Variants in CACNA1H observed in about 807,000 individuals in gnomAD.
CACNA1H encodes calcium voltage-gated channel subunit alpha1 H, also known as voltage-dependent T-type calcium channel subunit alpha-1H.
In CACNA1H, 149 loss-of-function variants were observed where a neutral mutation model predicts 192.5. The ratio of observed to expected loss-of-function variants is 0.77; its 90% CI spans 0.68 to 0.89. The LOEUF is 0.89. Among genes scored for constraint, CACNA1H ranks in the 40% least tolerant of loss-of-function variants. The pLI is 0.00. For missense variants in CACNA1H, 4,257 were observed against 3,423.5 expected, an observed-to-expected ratio of 1.24 and a Z score of -6.08; for synonymous variants, 2,202 against 1,475.2, an observed-to-expected ratio of 1.49 and a Z score of -11.29.
At chr16:1,205,886 C>T (rs1048914798) in intron 11 of CACNA1H, among the ~76,000 whole-genome samples, 2 of 152,218 alleles carry the variant, frequency 1.3e-5, no homozygotes, top group South Asian at 2.1e-4. Context: ...CCAGGGGGCA[C>T]TGGGGGCCGG....
At chr16:1,162,775 G>A (rs1177362469) in intron 2 of CACNA1H, among the ~76,000 whole-genome samples, 2 of 152,182 alleles carry the variant, frequency 1.3e-5, no homozygotes, top group Admixed American at 6.5e-5. Flanking sequence ...GGAGGACAGT[G>A]TCCAAGCTGG....
At chr16:1,154,482 G>A (rs996035721) in intron 2 of CACNA1H, among the ~76,000 whole-genome samples, 1 of 152,280 alleles carries the variant, frequency 6.6e-6, no homozygotes, top group Non-Finnish European at 1.5e-5. Flanking sequence ...GGAGTCAGGG[G>A]CGCAAAGTTT....
rs1481234704 is a variant in CACNA1H, at chr16:1,215,713, G to A, written c.5244+120G>A. 14 of 828,334 alleles carry A rather than the reference G, an allele frequency of 1.7e-5. No homozygotes were observed. In the African/African-American group the frequency reaches 2.3e-4, roughly 14 times the overall value. 51.3% of individuals were successfully genotyped at this position (828,334 alleles called of 1,614,324 possible). A position where few individuals can be genotyped will look rare whatever the true frequency, so the allele number is the denominator to read the frequency against. ...CTGGTCCCTCGGTTGTGTGGTGGCT[G>A]AAGCTGCGTCCCTGCTGTGTGCAGT... is the stretch of plus-strand genomic sequence containing the variant. On this transcript the variant is annotated intron_variant, in intron 30 of 34. Transcript: ENST00000348261.
At position 1,153,854 on chromosome 16, in the gene CACNA1H, G is replaced by A; in HGVS notation, c.117G>A (p.Glu39=). ...AGAGCCCCGGGGCGCCGGGACGCGA[G>A]GCGGAGCGGGGGTCCGAGCTCGGCG... ...SPESPGAPGR[E]AERGSELGVS... Residue 39 remains glutamate, a synonymous_variant, in exon 2 of 35, where the codon GAG becomes GAA. Coordinates refer to ENST00000348261, the MANE Select transcript of CACNA1H (RefSeq NM_021098.3). 1 of 1,339,138 alleles carries A rather than the reference G, an allele frequency of 7.5e-7. No individual in the cohort carries two copies. The highest frequency in any genetic ancestry group is 9.6e-7 in the Non-Finnish European group (1 of 1,045,626). The allele number at this position is 1,339,138 out of a possible 1,614,324, so 83.0% of individuals were successfully genotyped here. A position where few individuals can be genotyped will look rare whatever the true frequency, so the allele number is the denominator to read the frequency against.
Position 1,221,230 on chromosome 16 carries a change from G to A in CACNA1H, c.*236G>A, listed in dbSNP as rs1416770165. On this transcript the variant is annotated 3_prime_UTR_variant, in exon 35 of 35. Transcript: ENST00000348261. ...GTTTCTCCGAGTTTTGCTACCAGCC[G>A]AGGCTGTGCGGGCAACTGGGTCAGC... 4 of 506,114 alleles carry A rather than the reference G, an allele frequency of 7.9e-6. No homozygotes were observed. Among genetic ancestry groups the A allele is most frequent in the South Asian group, 3.9e-5 (1 of 25,798 alleles). 31.4% of individuals were successfully genotyped at this position (506,114 alleles called of 1,614,324 possible).
At chr16:1,164,894 G>GGGT (rs1445179213) in intron 2 of CACNA1H, among the ~76,000 whole-genome samples, 3 of 152,198 alleles carry the variant, frequency 2.0e-5, no homozygotes, top group African/African-American at 7.2e-5. Flanking sequence ...TTTTGGGGGT[G>GGGT]GGTCGAGTCG....
intron 2 of CACNA1H, among the ~76,000 whole-genome samples, chr16:1,194,453 C>G (rs925472860): frequency 6.6e-6 from 1 of 152,136 alleles, no homozygotes; most frequent in Non-Finnish European, 1.5e-5. Flanking sequence ...AAGTCTGCCC[C>G]GAGTTGTGCC....
chr16:1,206,734 C>A (rs1460910925), intron 12 of CACNA1H: 1 of 486,724 alleles, frequency 2.1e-6, no homozygotes, highest in Non-Finnish European at 3.7e-6. Context: ...CAGTTGCCAC[C>A]CAAATCCAGA....
chr16:1,220,669 C>T lies in CACNA1H; in HGVS notation c.6737C>T (p.Ala2246Val). Reference sequence around the variant, plus strand: ...TCAGGCGCCGGGGGGGACCCTGCAGCCAAGGGGGAGCGCTGGGGCCAGGCC... The same window carrying T: ...TCAGGCGCCGGGGGGGACCCTGCAGTCAAGGGGGAGCGCTGGGGCCAGGCC... ...EGSGAGGDPA[A>V]KGERWGQASC... is the part of the protein sequence containing the mutation. The change falls in exon 35 of 35, where the codon GCC (alanine) becomes GTC (valine). Residue 2246 changes from alanine (A) to valine (V), a missense_variant. Coordinates refer to ENST00000348261, the MANE Select transcript of CACNA1H (RefSeq NM_021098.3). The T allele has an allele frequency of 6.2e-7, 1 of 1,608,456 alleles. No homozygotes were observed. Among genetic ancestry groups the T allele is most frequent in the Non-Finnish European group, 8.5e-7 (1 of 1,177,948 alleles).
Position 1,202,377 on chromosome 16 carries a change from A to G in CACNA1H, c.1927A>G (p.Thr643Ala). ...GAAGTGGGCCGGTGGACCGCCAGGCACCGGGGGGCACGGCCCGTTGAGCTT... is the reference window on the plus strand; with the variant it reads ...GAAGTGGGCCGGTGGACCGCCAGGCGCCGGGGGGCACGGCCCGTTGAGCTT... ...KGKWAGGPPG[T>A]GGHGPLSLNS... Residue 643 changes from threonine (T) to alanine (A), a missense_variant, in exon 9 of 35, where the codon ACC (threonine) becomes GCC (alanine). Physicochemically the swap from Thr to Ala is moderately conservative, Grantham distance 58. Coordinates refer to ENST00000348261, the MANE Select transcript of CACNA1H (RefSeq NM_021098.3). 1 of 1,553,148 alleles carries G rather than the reference A, an allele frequency of 6.4e-7. No individual in the cohort carries two copies. Among genetic ancestry groups the G allele is most frequent in the South Asian group, 1.2e-5 (1 of 83,886 alleles).
In CACNA1H at chr16:1,167,359, G is replaced by T. The variant is rs949064450; in HGVS notation, c.299+13323G>T. Among the ~76,000 whole-genome samples the T allele has an allele frequency of 4.6e-5, 7 of 152,136 alleles. No homozygotes were observed. The highest frequency in any genetic ancestry group is 1.7e-4 in the African/African-American group (7 of 41,388). On this transcript the variant is annotated intron_variant, in intron 2 of 34. Coordinates refer to ENST00000348261, the MANE Select transcript of CACNA1H (RefSeq NM_021098.3). The surrounding 1 kb of genome is among the most constrained non-coding windows in gnomAD (Gnocchi z 4.2). ...GCGATATCGGCGCGGAGCGGGCGGG[G>T]TGGCGCCCGGGCCGCGGGTGGGAGA... is the stretch of plus-strand genomic sequence containing the variant.
rs1428451622 is a variant in CACNA1H at position 1,212,848 on chromosome 16, C to T, written c.4777+320C>T. Among the ~76,000 whole-genome samples, 7 of 152,214 alleles carry T rather than the reference C, an allele frequency of 4.6e-5. No homozygotes were observed. The East Asian group carries it at 7.7e-4, about 17-fold the overall frequency. On this transcript the variant is annotated intron_variant, in intron 26 of 34. Transcript: ENST00000348261. ...CTTGCTGGTCCAGCCTGACTGGCCG[C>T]GGGCCCTCTCCGGCTGCCCGGGCTG...
chr16:1,209,505 G>A (rs1257510754), intron 17 of CACNA1H, 93 bp downstream of exon 17: 3 of 1,470,782 alleles, frequency 2.0e-6, no homozygotes, highest in Non-Finnish European at 1.8e-6. Context: ...TTCAGGGCGT[G>A]TTGTTGACTG....
At chr16:1,161,048 A>G (rs138591603) in intron 2 of CACNA1H, among the ~76,000 whole-genome samples, 2,005 of 152,216 alleles carry the variant, frequency 0.013, 23 homozygotes, top group Non-Finnish European at 0.022. Flanking sequence ...TCTGACCCCC[A>G]AGGTGTGTAG....
intron 26 of CACNA1H, among the ~76,000 whole-genome samples, 179 bp from the exon 27 acceptor site, chr16:1,213,601 C>T (rs188692294): frequency 7.2e-4 from 110 of 152,106 alleles, no homozygotes; most frequent in African/African-American, 2.6e-3. Flanking sequence ...TGAGAGAGTC[C>T]CCCTTCTCCA....
intron 2 of CACNA1H, among the ~76,000 whole-genome samples, chr16:1,174,110 C>G (rs1210101573): frequency 6.6e-6 from 1 of 152,212 alleles, no homozygotes; most frequent in East Asian, 1.9e-4. Flanking sequence ...CCATGCAGCT[C>G]TGAGACCCAC....
chr16:1,187,139 A>G (rs536640295), intron 2 of CACNA1H, among the ~76,000 whole-genome samples: 4 of 152,364 alleles, frequency 2.6e-5, no homozygotes, highest in South Asian at 4.1e-4. Flanking sequence ...GTGAATACAC[A>G]TAGGTCGTCT....
At position 1,220,799 on chromosome 16, in the gene CACNA1H, C is replaced by A. The variant is rs1367258357; in HGVS notation, c.6867C>A (p.Thr2289=). 2 of 1,612,636 alleles carry A rather than the reference C, an allele frequency of 1.2e-6. No individual in the cohort carries two copies. Among genetic ancestry groups the A allele is most frequent in the African/African-American group, 1.3e-5 (1 of 74,896 alleles). The change falls in exon 35 of 35, where the codon ACC becomes ACA. Residue 2289 remains threonine, a synonymous_variant. Coordinates refer to ENST00000348261, the MANE Select transcript of CACNA1H (RefSeq NM_021098.3). ...TCTTGGACGGTAGCCACAGTGTGACCCCAGAATCCAGAGCTTCCTCTTCAG... is the reference window on the plus strand; with the variant it reads ...TCTTGGACGGTAGCCACAGTGTGACACCAGAATCCAGAGCTTCCTCTTCAG... ...DPFLDGSHSV[T]PESRASSSGA...
chr16:1,214,955 C>A lies in CACNA1H; in HGVS notation c.4930-17C>A. ...GGCCCCAGCCCCACCTCAGCCAGCC[C>A]GACCCTCCACCCCCAGTCGCTGGAC... On this transcript the variant is annotated splice_polypyrimidine_tract_variant and intron_variant, in intron 27 of 34. Transcript: ENST00000348261. 2 of 1,578,050 alleles carry A rather than the reference C, an allele frequency of 1.3e-6. No homozygotes were observed. Among genetic ancestry groups the A allele is most frequent in the Non-Finnish European group, 1.7e-6 (2 of 1,157,320 alleles).
Sources: gnomAD v4.1 joint callset for allele counts (sites outside exome capture counted in the v4.1 genomes callset) on GRCh38, gnomAD v4.1.1 for gene constraint, Gnocchi (gnomAD v3.1) non-coding constraint, MANE v1.5 for transcripts, NCBI Gene and HGNC (gene_info 2026-07-23, HGNC 2026-07-21) for gene names.